Variants in MALRD1 observed in about 807,000 individuals in gnomAD.
The protein encoded by MALRD1 is MAM and LDL receptor class A domain containing 1, also known as MAM and LDL-receptor class A domain-containing protein 1.
MALRD1 carries 247 observed loss-of-function variants against 242.1 expected under a neutral mutation model. That is an observed-to-expected ratio of 1.02 (90% CI 0.92 to 1.13). The LOEUF (loss-of-function observed/expected upper bound fraction) is 1.13. Among genes scored for constraint, MALRD1 ranks in the 50% most tolerant of loss-of-function variants. The pLI is 0.00. For synonymous variants in MALRD1, 995 were observed against 866.6 expected, an observed-to-expected ratio of 1.15 and a Z score of -2.60; for missense variants, 2,989 against 2,533.1, an observed-to-expected ratio of 1.18 and a Z score of -3.86.
intron 5 of MALRD1, among the ~76,000 whole-genome samples, chr10:19,108,243 G>A (rs190129554): frequency 2.9e-4 from 44 of 151,912 alleles, no homozygotes; most frequent in Admixed American, 7.2e-4. Flanking sequence ...TTCAAGTTCA[G>A]AACATCCTTG....
intron 28 of MALRD1, among the ~76,000 whole-genome samples, chr10:19,438,112 ACT>A (rs1834430128): frequency 6.6e-6 from 1 of 150,904 alleles, no homozygotes; most frequent in Non-Finnish European, 1.5e-5. Flanking sequence ...TTACACTCTA[ACT>A]CTTCTTTCTT....
chr10:19,064,618 A>G (rs1200778688), intron 1 of MALRD1, among the ~76,000 whole-genome samples: 4 of 151,724 alleles, frequency 2.6e-5, no homozygotes, highest in South Asian at 4.2e-4. Context: ...TTATTTAGCT[A>G]TTTTTAGTTG....
At chr10:19,451,573 C>T (rs1451059139) in intron 29 of MALRD1, among the ~76,000 whole-genome samples, 2 of 152,234 alleles carry the variant, frequency 1.3e-5, no homozygotes, top group East Asian at 1.9e-4. Context: ...CTGTGGTTTT[C>T]TATACTGATT....
Position 19,098,169 on chromosome 10 carries a change from G to A in MALRD1, c.598-5810G>A, listed in dbSNP as rs546084828. Among the ~76,000 whole-genome samples the A allele has an allele frequency of 9.3e-4, 141 of 152,156 alleles. 2 individuals are homozygous for A. Among genetic ancestry groups the A allele is most frequent in the Non-Finnish European group, 3.7e-4 (25 of 67,994 alleles). ...TGTTCTTGAAGGACGCTCATGTAAC[G>A]GTTTTATGGGTAAGAAGGAATGAAT... is the stretch of plus-strand genomic sequence containing the variant. On this transcript the variant is annotated intron_variant, in intron 4 of 39. Transcript: ENST00000454679.
chr10:19,514,241 G>A (rs1166913624), intron 31 of MALRD1, among the ~76,000 whole-genome samples: 3 of 152,108 alleles, frequency 2.0e-5, no homozygotes, highest in Non-Finnish European at 4.4e-5. Flanking sequence ...ATGACTGACA[G>A]CATTATACTA....
In MALRD1 at chr10:19,468,936, T is replaced by G. The variant is rs3904903; in HGVS notation, c.5029+18446T>G. Among the ~76,000 whole-genome samples the G allele has an allele frequency of 5.9e-3, 899 of 152,190 alleles. 13 individuals are homozygous for G. The highest frequency in any genetic ancestry group is 0.024 in the Admixed American group (361 of 15,274). Reference sequence around the variant, plus strand: ...TGTCTCTCTCTTCTCTCCCTCCTCTTAATTTTTTTAATAAATAATATTTAT... The same window carrying G: ...TGTCTCTCTCTTCTCTCCCTCCTCTGAATTTTTTTAATAAATAATATTTAT... On this transcript the variant is annotated intron_variant, in intron 29 of 39. Coordinates refer to ENST00000454679, the MANE Select transcript of MALRD1 (RefSeq NM_001142308.3).
At position 19,264,605 on chromosome 10, in the gene MALRD1, C is replaced by G. The variant is rs567844718; in HGVS notation, c.3079+6834C>G. On this transcript the variant is annotated intron_variant, in intron 19 of 39. Coordinates refer to ENST00000454679, the MANE Select transcript of MALRD1 (RefSeq NM_001142308.3). The stretch of plus-strand genomic sequence containing the variant: ...AGTAGCTGGGAGTACAGGCGCCCAC[C>G]ACCATGCCCAGCTAATTTTTTGTAC... Among the ~76,000 whole-genome samples, 274 of 152,160 alleles carry G rather than the reference C, an allele frequency of 1.8e-3. 1 individual carries two copies. Among genetic ancestry groups the G allele is most frequent in the African/African-American group, 6.4e-3 (266 of 41,536 alleles).
intron 1 of MALRD1, chr10:19,052,187 C>A: frequency 8.3e-6 from 3 of 363,572 alleles, no homozygotes; most frequent in East Asian, 7.6e-5. Flanking sequence ...AGTATTACAG[C>A]AATTAATCAA....
intron 21 of MALRD1, among the ~76,000 whole-genome samples, chr10:19,291,784 T>TA (rs887881935): frequency 6.6e-5 from 10 of 150,780 alleles, no homozygotes; most frequent in South Asian, 2.1e-4. Flanking sequence ...GTCCTTCCAT[T>TA]AAAAAAAATA....
At chr10:19,385,951 C>A (rs1846053009) in intron 26 of MALRD1, among the ~76,000 whole-genome samples, 1 of 151,816 alleles carries the variant, frequency 6.6e-6, no homozygotes, top group African/African-American at 2.4e-5. Flanking sequence ...AATAATTAAC[C>A]AAAAAAATTT....
Position 19,128,403 on chromosome 10 carries a change from C to T in MALRD1, c.1110+16C>T. Reference sequence around the variant, plus strand: ...TAATAATAAGGTAAGAAGAAAGTTGCATTTATTTCAAATTCATTGAATCAA... The same window carrying T: ...TAATAATAAGGTAAGAAGAAAGTTGTATTTATTTCAAATTCATTGAATCAA... On this transcript the variant is annotated intron_variant, in intron 8 of 39. Coordinates refer to ENST00000454679, the MANE Select transcript of MALRD1 (RefSeq NM_001142308.3). The T allele has an allele frequency of 8.1e-7, 1 of 1,229,986 alleles. No individual in the cohort carries two copies. Among genetic ancestry groups the T allele is most frequent in the Non-Finnish European group, 1.0e-6 (1 of 984,912 alleles). The allele number at this position is 1,229,986 out of a possible 1,614,324, so 76.2% of individuals were successfully genotyped here.
chr10:19,411,212 A>G (rs1833264508), intron 28 of MALRD1, among the ~76,000 whole-genome samples: 1 of 152,206 alleles, frequency 6.6e-6, no homozygotes, highest in African/African-American at 2.4e-5. Context: ...GATATTGTTC[A>G]GACTCCATGA....
At chr10:19,694,950 T>G (rs1833297401) in intron 38 of MALRD1, among the ~76,000 whole-genome samples, 1 of 152,154 alleles carries the variant, frequency 6.6e-6, no homozygotes. Context: ...GGAACCATCA[T>G]TCTCAGCAAA....
intron 21 of MALRD1, among the ~76,000 whole-genome samples, chr10:19,310,166 T>G (rs1175681917): frequency 1.3e-5 from 2 of 151,406 alleles, no homozygotes; most frequent in African/African-American, 4.8e-5. Context: ...GGGACTATTT[T>G]GCAAAGAGTA....
intron 21 of MALRD1, among the ~76,000 whole-genome samples, chr10:19,307,796 T>C (rs1842277524): frequency 6.6e-6 from 1 of 151,596 alleles, no homozygotes; most frequent in Non-Finnish European, 1.5e-5. Flanking sequence ...ACGCTAAAGT[T>C]GTTTCTTTCT....
intron 36 of MALRD1, among the ~76,000 whole-genome samples, chr10:19,667,613 CTT>C (rs145615444): frequency 0.048 from 7,240 of 151,892 alleles, 494 homozygotes; most frequent in African/African-American, 0.15. Flanking sequence ...CTCTCTCTCT[CTT>C]GCTTACCACT....
chr10:19,581,590 G>T (rs1837129328), intron 33 of MALRD1, among the ~76,000 whole-genome samples: 1 of 148,140 alleles, frequency 6.8e-6, no homozygotes, highest in Admixed American at 6.8e-5. Flanking sequence ...TGGTGTATAT[G>T]TGCCACATTT....
chr10:19,087,428 A>T (rs2358305), intron 2 of MALRD1, among the ~76,000 whole-genome samples: 1 of 151,726 alleles, frequency 6.6e-6, no homozygotes, highest in Admixed American at 6.6e-5. Flanking sequence ...GATGTGGTTA[A>T]ATTATTTGTT....
chr10:19,054,749 G>T (rs1368835166), intron 1 of MALRD1, among the ~76,000 whole-genome samples: 1 of 152,006 alleles, frequency 6.6e-6, no homozygotes, highest in East Asian at 1.9e-4. Context: ...TTCTTTTTAT[G>T]ACTGATAGTG....
Sources: gnomAD v4.1 joint callset for allele counts (sites outside exome capture counted in the v4.1 genomes callset) on GRCh38, gnomAD v4.1.1 for gene constraint, MANE v1.5 for transcripts, NCBI Gene and HGNC (gene_info 2026-07-23, HGNC 2026-07-21) for gene names.